TENM1: variants seen among roughly 807,000 people sequenced by gnomAD.
TENM1 encodes teneurin transmembrane protein 1, also known as teneurin-1.
TENM1 carries 35 observed loss-of-function variants against 174.8 expected under a neutral mutation model. That is an observed-to-expected ratio of 0.20 (90% CI 0.15 to 0.27). The LOEUF (loss-of-function observed/expected upper bound fraction) is 0.27, where lower values mean the gene tolerates loss of function less well. Among genes scored for constraint, TENM1 ranks in the 10% least tolerant of loss-of-function variants. The probability of loss-of-function intolerance (pLI) is 1.00; values close to 1 mark genes in which losing one functional copy is unlikely to be tolerated. For missense variants in TENM1, 1,633 were observed against 2,130.1 expected, an observed-to-expected ratio of 0.77 and a Z score of 4.59; for synonymous variants, 781 against 798.7, an observed-to-expected ratio of 0.98 and a Z score of 0.37.
chrX:124,399,104 A>G (rs1037736476), intron 27 of TENM1, among the ~76,000 whole-genome samples: 2 of 112,085 alleles, frequency 1.8e-5, no homozygotes, highest in South Asian at 3.7e-4. Context: ...TTGCCAGCAT[A>G]TAGAACCTTA....
At chrX:124,652,075 G>A in exon 8 of TENM1, 2 of 1,211,014 alleles carry the variant, frequency 1.7e-6, no homozygotes, top group Non-Finnish European at 2.2e-6. Context: ...AGAGCCCTTG[G>A]AGTCCTGCTT....
rs750117898 is a variant in TENM1 at position 124,656,706 on chromosome X, ATAGAC to A, written c.1169-2928_1169-2924del. Reference sequence around the variant, plus strand: ...ATTTTATCATCTCTCAAAATTTGTTATAGACTATAGTACAATAACTATGAATTCAT... The same window carrying A: ...ATTTTATCATCTCTCAAAATTTGTTATATAGTACAATAACTATGAATTCAT... On this transcript the variant is annotated intron_variant, in intron 6 of 31. Coordinates refer to ENST00000422452, the Ensembl canonical transcript of TENM1. 3.6e-5 allele frequency among the ~76,000 whole-genome samples: 4 copies of A among 112,311 alleles called. No individual in the cohort carries two copies. In the South Asian group the frequency reaches 1.5e-3, roughly 42 times the overall value.
chrX:124,404,984 CAAAA>C, intron 27 of TENM1, 43 bp downstream of exon 30: 1 of 1,092,939 alleles, frequency 9.1e-7, no homozygotes, highest in Non-Finnish European at 1.3e-6. Flanking sequence ...AACAAACAAA[CAAAA>C]CACCTATAAA....
At chrX:124,935,152 T>C (rs1359348450) in intron 1 of TENM1, among the ~76,000 whole-genome samples, 8 of 107,185 alleles carry the variant, frequency 7.5e-5, no homozygotes, top group Non-Finnish European at 1.5e-4. Flanking sequence ...GACAGTTCAC[T>C]TCTCCCTGAG....
At chrX:124,862,451 C>T (rs997788753) in intron 3 of TENM1, among the ~76,000 whole-genome samples, 1 of 111,460 alleles carries the variant, frequency 9.0e-6, no homozygotes, top group South Asian at 3.8e-4. Context: ...TATCTCTGGG[C>T]GCTGGGGGAG....
chrX:124,740,609 G>A (rs1353054895), intron 3 of TENM1, among the ~76,000 whole-genome samples: 1 of 111,116 alleles, frequency 9.0e-6, no homozygotes, highest in Non-Finnish European at 1.9e-5. Context: ...GTCTTTAAAC[G>A]CTTTCACAAT....
At chrX:124,693,025 G>A (rs867134750) in intron 5 of TENM1, among the ~76,000 whole-genome samples, 157 of 81,927 alleles carry the variant, frequency 1.9e-3, no homozygotes, top group Middle Eastern at 0.012. Flanking sequence ...AAAAAAAAAA[G>A]AAAAAAAAAA....
intron 3 of TENM1, among the ~76,000 whole-genome samples, chrX:124,866,155 A>G (rs1024614460): frequency 3.6e-5 from 4 of 112,031 alleles, no homozygotes; most frequent in Admixed American, 2.8e-4. Context: ...TATAGACCAC[A>G]TGGATGTAAT....
chrX:124,684,344 G>A (rs1014687795), intron 5 of TENM1, among the ~76,000 whole-genome samples: 3 of 112,527 alleles, frequency 2.7e-5, no homozygotes, highest in Admixed American at 9.4e-5. Context: ...GCATTGAAGA[G>A]TGTAAGAAGA....
Position 124,642,833 on chromosome X carries a change from T to C in TENM1, c.1877-842A>G, listed in dbSNP as rs529979897. Among the ~76,000 whole-genome samples, 169 of 112,619 alleles carry C rather than the reference T, an allele frequency of 1.5e-3. 1 individual carries two copies. The highest frequency in any genetic ancestry group is 5.2e-3 in the African/African-American group (161 of 31,004). The stretch of plus-strand genomic sequence containing the variant: ...TTGATTTCCAAATTTCTAGTCTTTC[T>C]ATACAAATAAAATGAGACTAAAATA... On this transcript the variant is annotated intron_variant, in intron 10 of 31. Coordinates refer to ENST00000422452, the Ensembl canonical transcript of TENM1.
At chrX:124,844,939 A>C (rs1468025432) in intron 3 of TENM1, among the ~76,000 whole-genome samples, 1 of 111,097 alleles carries the variant, frequency 9.0e-6, no homozygotes, top group East Asian at 2.9e-4. Flanking sequence ...AGATTCATAG[A>C]CCTATCACAG....
the TENM1 span, among the ~76,000 whole-genome samples, chrX:125,152,398 C>T: frequency 8.9e-6 from 1 of 111,791 alleles, no homozygotes; most frequent in African/African-American, 3.3e-5. Flanking sequence ...TGAAATATTA[C>T]TTAATTGTCA....
chrX:124,999,699 C>T, the TENM1 span, among the ~76,000 whole-genome samples: 6 of 110,567 alleles, frequency 5.4e-5, no homozygotes, highest in Admixed American at 9.7e-5. Context: ...ATCCTTCTAC[C>T]GGTGATTTTG....
chrX:124,553,267 G>T (rs1046178574), intron 14 of TENM1, among the ~76,000 whole-genome samples: 2 of 50,759 alleles, frequency 3.9e-5, no homozygotes, highest in Non-Finnish European at 6.4e-5. Context: ...GAGACTGAGG[G>T]GGGGGGTGGA....
chrX:124,569,688 A>G (rs2049016162), intron 11 of TENM1, among the ~76,000 whole-genome samples: 1 of 111,973 alleles, frequency 8.9e-6, no homozygotes, highest in Admixed American at 9.5e-5. Flanking sequence ...TCATCATGAA[A>G]ATTAGAAAAG....
the TENM1 span, among the ~76,000 whole-genome samples, chrX:125,160,704 T>C: frequency 3.6e-5 from 4 of 109,825 alleles, no homozygotes; most frequent in East Asian, 8.6e-4. Context: ...CCTCCACTTA[T>C]CTATATGCTT....
chrX:124,527,197 T>C (rs777425060), intron 16 of TENM1, among the ~76,000 whole-genome samples: 2 of 112,021 alleles, frequency 1.8e-5, no homozygotes, highest in African/African-American at 6.5e-5. Context: ...AACATTCACC[T>C]TTCCTTTAGA....
chrX:125,202,613 A>AGCTG, the TENM1 span, among the ~76,000 whole-genome samples: 30 of 111,097 alleles, frequency 2.7e-4, no homozygotes, highest in African/African-American at 9.9e-4. Context: ...CTCAACCCGA[A>AGCTG]GCTGCCGACG....
intron 20 of TENM1, among the ~76,000 whole-genome samples, chrX:124,491,614 C>A (rs759074063): frequency 9.1e-6 from 1 of 109,819 alleles, no homozygotes; most frequent in East Asian, 2.8e-4. Flanking sequence ...GTACTATATA[C>A]TTAAATAATA....
Sources: allele counts gnomAD v4.1 joint callset (sites outside exome capture counted in the v4.1 genomes callset), GRCh38; gene constraint gnomAD v4.1.1; transcripts MANE v1.5; gene names NCBI Gene and HGNC (gene_info 2026-07-23, HGNC 2026-07-21).